MARCHF2: variants seen among roughly 807,000 people sequenced by gnomAD.
MARCHF2 encodes E3 ubiquitin-protein ligase MARCHF2.
MARCHF2 carries 22 observed loss-of-function variants against 24.0 expected under a neutral mutation model. The ratio of observed to expected loss-of-function variants is 0.92; its 90% CI spans 0.66 to 1.31. The LOEUF (loss-of-function observed/expected upper bound fraction) is 1.31. Among genes scored for constraint, MARCHF2 ranks in the 50% most tolerant of loss-of-function variants. MARCHF2 has a pLI of 0.00. For missense variants in MARCHF2, 301 were observed against 335.3 expected, an observed-to-expected ratio of 0.90 and a Z score of 0.80; for synonymous variants, 154 against 153.0, an observed-to-expected ratio of 1.01 and a Z score of -0.05.
At chr19:8,424,653 C>A (rs1967348463) in intron 2 of MARCHF2, among the ~76,000 whole-genome samples, 1 of 151,326 alleles carries the variant, frequency 6.6e-6, no homozygotes, top group African/African-American at 2.4e-5. Flanking sequence ...GGTGACAGAG[C>A]AACACTGTCT....
chr19:8,429,378 G>A (rs1319354994), intron 3 of MARCHF2, among the ~76,000 whole-genome samples: 4 of 151,812 alleles, frequency 2.6e-5, no homozygotes, highest in Non-Finnish European at 5.9e-5. Context: ...AGCACTTTGG[G>A]AAGCCAAGGT....
At chr19:8,431,432 G>C (rs1967579991) in intron 4 of MARCHF2, among the ~76,000 whole-genome samples, 2 of 130,922 alleles carry the variant, frequency 1.5e-5, no homozygotes, top group African/African-American at 5.7e-5. Flanking sequence ...GGGAGGCGGA[G>C]GTTGCAGTAA....
intron 4 of MARCHF2, among the ~76,000 whole-genome samples, chr19:8,436,153 G>C (rs189646720): frequency 2.0e-4 from 30 of 151,070 alleles, no homozygotes; most frequent in East Asian, 1.6e-3. Flanking sequence ...TTTTTTTTGG[G>C]GGGGACAGAG....
chr19:8,419,010 G>A (rs1967156159), intron 1 of MARCHF2, among the ~76,000 whole-genome samples: 1 of 152,058 alleles, frequency 6.6e-6, no homozygotes, highest in African/African-American at 2.4e-5. Context: ...CTTGGCTCCA[G>A]GGCACCTGTA....
At chr19:8,419,675 G>T (rs1191997493) in intron 1 of MARCHF2, among the ~76,000 whole-genome samples, 1 of 149,414 alleles carries the variant, frequency 6.7e-6, no homozygotes, top group Non-Finnish European at 1.5e-5. Flanking sequence ...AATTAGCCGG[G>T]CGTGGTGGCG....
At chr19:8,425,947 G>A (rs903103741) in intron 2 of MARCHF2, among the ~76,000 whole-genome samples, 1 of 151,768 alleles carries the variant, frequency 6.6e-6, no homozygotes, top group African/African-American at 2.4e-5. Context: ...AGGATTGGGG[G>A]CCGGGTGCGG....
chr19:8,415,721 CAAA>C (rs1309501077), intron 1 of MARCHF2, among the ~76,000 whole-genome samples: 4 of 17,850 alleles, frequency 2.2e-4, no homozygotes, highest in African/African-American at 7.8e-4. Context: ...AACTCCATCT[CAAA>C]AAAAAAAAAA....
At chr19:8,435,300 G>A (rs552584368) in intron 4 of MARCHF2, among the ~76,000 whole-genome samples, 4 of 152,096 alleles carry the variant, frequency 2.6e-5, no homozygotes, top group Non-Finnish European at 4.4e-5. Context: ...TTACAGGTGT[G>A]AGCCACCACA....
At position 8,430,847 on chromosome 19, in the gene MARCHF2, A is replaced by G. The variant is rs1967563255; in HGVS notation, c.562A>G (p.Ile188Val). 2 of 1,608,254 alleles carry G rather than the reference A, an allele frequency of 1.2e-6. No homozygotes were observed. The highest frequency in any genetic ancestry group is 1.7e-6 in the Non-Finnish European group (2 of 1,179,148). The change falls in exon 4 of 5, where the codon ATC becomes GTC. Residue 188 changes from isoleucine to valine, a missense_variant. By Grantham distance (29) the Ile-to-Val change is conservative. Coordinates refer to ENST00000215555, the MANE Select transcript of MARCHF2 (RefSeq NM_001005415.2). The surrounding 1 kb of genome is among the most constrained non-coding windows in gnomAD (Gnocchi z 4.4). Reference protein sequence around the residue: ...LIALTIALFTIYVLWTLVSFR... With the variant: ...LIALTIALFTVYVLWTLVSFR... ...TGCCCTCACCATCGCCCTCTTCACCATCTATGTCCTCTGGACGCTGGTGAG... is the reference window on the plus strand; with the variant it reads ...TGCCCTCACCATCGCCCTCTTCACCGTCTATGTCCTCTGGACGCTGGTGAG...
At chr19:8,414,733 G>A (rs1967034081) in intron 1 of MARCHF2, among the ~76,000 whole-genome samples, 1 of 152,100 alleles carries the variant, frequency 6.6e-6, no homozygotes, top group Admixed American at 6.6e-5. Context: ...AAAAGACTGG[G>A]GGGCCTCAGT....
intron 3 of MARCHF2, among the ~76,000 whole-genome samples, chr19:8,428,315 G>A (rs1967468543): frequency 6.6e-6 from 1 of 151,330 alleles, no homozygotes; most frequent in Non-Finnish European, 1.5e-5. Context: ...ATCCACTAGG[G>A]AGGCTGAGGC....
chr19:8,425,701 C>CT (rs1249284291), intron 2 of MARCHF2, among the ~76,000 whole-genome samples: 1 of 151,528 alleles, frequency 6.6e-6, no homozygotes. Context: ...ACTGTAACCT[C>CT]TGCCTTCCAG....
At chr19:8,438,074 T>A (rs756381293) in intron 4 of MARCHF2, among the ~76,000 whole-genome samples, 1 of 152,012 alleles carries the variant, frequency 6.6e-6, no homozygotes, top group Non-Finnish European at 1.5e-5. Flanking sequence ...CCTGATTGAT[T>A]GACATTTAAT....
chr19:8,414,845 C>T (rs551322363), intron 1 of MARCHF2, among the ~76,000 whole-genome samples: 1 of 152,280 alleles, frequency 6.6e-6, no homozygotes, highest in South Asian at 2.1e-4. Flanking sequence ...CCACCAGCTC[C>T]ATCATTAGAA....
At position 8,430,162 on chromosome 19, in the gene MARCHF2, G is replaced by A. The variant is rs1967538638; in HGVS notation, c.373-496G>A. On this transcript the variant is annotated intron_variant, in intron 3 of 4. Transcript: ENST00000215555. The surrounding 1 kb of genome is among the most constrained non-coding windows in gnomAD (Gnocchi z 4.4). ...GCAGATCACTTAAGGTCACAAGTTC[G>A]AGACCAGCCTGACAAACATGGTGAA... is the stretch of plus-strand genomic sequence containing the variant. Among the ~76,000 whole-genome samples the A allele has an allele frequency of 6.6e-6, 1 of 152,008 alleles. No homozygotes were observed. The highest frequency in any genetic ancestry group is 6.6e-5 in the Admixed American group (1 of 15,218).
rs373005728 is a variant in MARCHF2, at chr19:8,431,333, T to C, written c.582+466T>C. Among the ~76,000 whole-genome samples, 4 of 151,110 alleles carry C rather than the reference T, an allele frequency of 2.6e-5. No homozygotes were observed. The East Asian group carries it at 5.8e-4, about 22-fold the overall frequency. The stretch of plus-strand genomic sequence containing the variant: ...AACCAGCATGAAGAAACCCCATCTC[T>C]ACTAAAAATACAAATTAACCAGGTG... On this transcript the variant is annotated intron_variant, in intron 4 of 4. Transcript: ENST00000215555.
intron 2 of MARCHF2, among the ~76,000 whole-genome samples, chr19:8,426,270 A>G (rs994940123): frequency 2.0e-5 from 3 of 149,042 alleles, no homozygotes; most frequent in Non-Finnish European, 4.5e-5. Context: ...AGGGTGGGGA[A>G]GTTGTGCAGG....
intron 1 of MARCHF2, among the ~76,000 whole-genome samples, chr19:8,417,837 A>G (rs1967125309): frequency 7.8e-6 from 1 of 128,340 alleles, no homozygotes; most frequent in Non-Finnish European, 1.5e-5. Flanking sequence ...ATCTCGGCTC[A>G]CTGCAACCTC....
At position 8,438,612 on chromosome 19, in the gene MARCHF2, A is replaced by G. The variant is rs1967796278; in HGVS notation, c.*66A>G. The G allele has an allele frequency of 5.2e-6, 8 of 1,537,622 alleles. No individual in the cohort carries two copies. The highest frequency in any genetic ancestry group is 7.1e-6 in the Non-Finnish European group (8 of 1,132,618). ...TAGCTGGTGATACCCTGTCCTGTGG[A>G]AGGACTTCCACTTCAACACTTCCAC... On this transcript the variant is annotated 3_prime_UTR_variant, in exon 5 of 5. Transcript: ENST00000215555.
Sources: gnomAD v4.1 joint callset for allele counts (sites outside exome capture counted in the v4.1 genomes callset) on GRCh38, gnomAD v4.1.1 for gene constraint, Gnocchi (gnomAD v3.1) non-coding constraint, MANE v1.5 for transcripts, NCBI Gene and HGNC (gene_info 2026-07-23, HGNC 2026-07-21) for gene names.